The following EPHA5 variants were observed in gnomAD, a reference collection of about 807,000 sequenced individuals.
EPHA5 encodes ephrin type-A receptor 5.
Under a neutral mutation model 105.0 loss-of-function variants are expected in EPHA5, and 60 were observed. That is an observed-to-expected ratio of 0.57 (90% CI 0.46 to 0.71). The LOEUF is 0.71. Ranked by LOEUF, EPHA5 falls within the 30% of genes least tolerant of loss-of-function variation. The pLI is 0.00. For synonymous variants in EPHA5, 513 were observed against 449.1 expected (o/e 1.14, Z -1.80); for missense variants, 1,218 against 1,274.7 (o/e 0.96, Z 0.68).
At chr4:65,620,096 A>G (rs1190486695) in intron 2 of EPHA5, among the ~76,000 whole-genome samples, 1 of 130,890 alleles carries the variant, frequency 7.6e-6, no homozygotes, top group Non-Finnish European at 1.6e-5. Context: ...TCTACAGAAT[A>G]TTTGGACTCA....
intron 14 of EPHA5, among the ~76,000 whole-genome samples, chr4:65,339,485 C>T (rs1721497247): frequency 1.3e-5 from 2 of 152,008 alleles, no homozygotes; most frequent in Admixed American, 1.3e-4. Context: ...TATAATGAAA[C>T]CAATTTAACT....
At chr4:65,371,660 A>G (rs1212312042) in intron 8 of EPHA5, among the ~76,000 whole-genome samples, 1 of 152,088 alleles carries the variant, frequency 6.6e-6, no homozygotes, top group African/African-American at 2.4e-5. Flanking sequence ...CACAAGCAGT[A>G]CTTTATAAAT....
At chr4:65,399,355 C>G (rs1377674001) in intron 8 of EPHA5, among the ~76,000 whole-genome samples, 2 of 152,220 alleles carry the variant, frequency 1.3e-5, no homozygotes, top group Non-Finnish European at 2.9e-5. Flanking sequence ...CCTCACTGCT[C>G]CATGCCTGGC....
chr4:65,398,167 C>G (rs899996930), intron 8 of EPHA5, among the ~76,000 whole-genome samples: 2 of 152,174 alleles, frequency 1.3e-5, no homozygotes, highest in Admixed American at 6.5e-5. Context: ...CTCAGAAGGG[C>G]CTGTTACCAC....
chr4:65,655,267 T>C (rs1229765011), intron 1 of EPHA5, among the ~76,000 whole-genome samples: 2 of 152,100 alleles, frequency 1.3e-5, no homozygotes, highest in African/African-American at 4.8e-5. Flanking sequence ...GTGTGGTATT[T>C]CTATCACCCA....
At chr4:65,333,955 T>C (rs1433090593) in intron 15 of EPHA5, among the ~76,000 whole-genome samples, 2 of 151,774 alleles carry the variant, frequency 1.3e-5, no homozygotes, top group East Asian at 3.9e-4. Context: ...CCTATCATTG[T>C]GCATACCATC....
chr4:65,398,192 C>A (rs1233128390), intron 8 of EPHA5, among the ~76,000 whole-genome samples: 1 of 152,196 alleles, frequency 6.6e-6, no homozygotes, highest in African/African-American at 2.4e-5. Context: ...TGGCCTCTCC[C>A]TGCTCCTGGT....
chr4:65,461,019 A>C (rs1039601680), intron 5 of EPHA5, among the ~76,000 whole-genome samples: 8 of 152,034 alleles, frequency 5.3e-5, no homozygotes, highest in Middle Eastern at 3.4e-3. Flanking sequence ...ATAAACAAAA[A>C]TTTACTATAA....
At chr4:65,366,854 T>A (rs992882097) in intron 9 of EPHA5, among the ~76,000 whole-genome samples, 7 of 148,038 alleles carry the variant, frequency 4.7e-5, no homozygotes, top group Non-Finnish European at 8.8e-5. Flanking sequence ...TTCAAATTCT[T>A]TATTAAAACA....
intron 3 of EPHA5, among the ~76,000 whole-genome samples, chr4:65,588,209 T>C (rs1742303736): frequency 6.6e-6 from 1 of 152,140 alleles, no homozygotes; most frequent in Admixed American, 6.6e-5. Flanking sequence ...ATAGCAGCTT[T>C]TTGCAAATGT....
intron 3 of EPHA5, among the ~76,000 whole-genome samples, chr4:65,502,691 T>C (rs1206950559): frequency 6.6e-6 from 1 of 151,842 alleles, no homozygotes; most frequent in African/African-American, 2.4e-5. Context: ...AGTTTGGAGA[T>C]TTCTCAAATA....
intron 6 of EPHA5, among the ~76,000 whole-genome samples, chr4:65,418,568 T>C (rs930197670): frequency 7.2e-5 from 11 of 152,194 alleles, no homozygotes; most frequent in Admixed American, 2.0e-4. Flanking sequence ...TCATCATTTA[T>C]GTTTCGGAAT....
At chr4:65,538,531 G>C (rs1736514856) in intron 3 of EPHA5, among the ~76,000 whole-genome samples, 1 of 151,736 alleles carries the variant, frequency 6.6e-6, no homozygotes, top group Admixed American at 6.6e-5. Context: ...GTATGGGAAA[G>C]CTAATACATT....
At chr4:65,469,578 G>T (rs915515752) in intron 5 of EPHA5, among the ~76,000 whole-genome samples, 2 of 152,140 alleles carry the variant, frequency 1.3e-5, no homozygotes, top group African/African-American at 2.4e-5. Context: ...GGCAGAGTTG[G>T]ACGCCAGCAA....
intron 5 of EPHA5, among the ~76,000 whole-genome samples, chr4:65,464,250 A>G (rs1229690289): frequency 6.6e-6 from 1 of 152,062 alleles, no homozygotes; most frequent in Admixed American, 6.5e-5. Context: ...TTCAAAACCC[A>G]TCAAAGTTCC....
chr4:65,652,768 A>G (rs550880053), intron 1 of EPHA5, among the ~76,000 whole-genome samples: 5 of 152,272 alleles, frequency 3.3e-5, no homozygotes, highest in African/African-American at 1.2e-4. Context: ...CTTCAGGCAT[A>G]TCAATCTAAA....
chr4:65,556,853 A>G (rs534416390), intron 3 of EPHA5, among the ~76,000 whole-genome samples: 1 of 152,176 alleles, frequency 6.6e-6, no homozygotes, highest in African/African-American at 2.4e-5. Context: ...AAGCTATCCC[A>G]ATTATTGATG....
chr4:65,629,725 CTTA>C (rs1746457205), intron 2 of EPHA5, among the ~76,000 whole-genome samples: 1 of 152,080 alleles, frequency 6.6e-6, no homozygotes, highest in Non-Finnish European at 1.5e-5. Flanking sequence ...AGCTGCTCTC[CTTA>C]ACTGTAGTGA....
Position 65,405,283 on chromosome 4 carries a change from G to A in EPHA5, c.1688-804C>T, listed in dbSNP as rs541829457. 8.5e-4 allele frequency among the ~76,000 whole-genome samples: 6 copies of A among 7,058 alleles called. No individual in the cohort carries two copies. The Non-Finnish European group carries it at 0.011, about 13-fold the overall frequency. 4.6% of individuals were successfully genotyped at this position (7,058 alleles called of 152,430 possible). Reference sequence around the variant, plus strand: ...TAACTAATCTTGATTAAAATAAAACGCCTTATAGGGCAAAATAAATTGTAC... The same window carrying A: ...TAACTAATCTTGATTAAAATAAAACACCTTATAGGGCAAAATAAATTGTAC... On this transcript the variant is annotated intron_variant, in intron 7 of 16. Coordinates refer to ENST00000613740, the MANE Select transcript of EPHA5 (RefSeq NM_001281766.3).
Sources: gnomAD v4.1 joint callset for allele counts (sites outside exome capture counted in the v4.1 genomes callset) on GRCh38, gnomAD v4.1.1 for gene constraint, MANE v1.5 for transcripts, NCBI Gene and HGNC (gene_info 2026-07-23, HGNC 2026-07-21) for gene names.